The following DAB1 variants were observed in gnomAD, a reference collection of about 807,000 sequenced individuals.
DAB1 encodes the protein DAB adaptor protein 1, also known as disabled homolog 1.
DAB1 carries 15 observed loss-of-function variants against 64.6 expected under a neutral mutation model. The ratio of observed to expected loss-of-function variants is 0.23; its 90% CI spans 0.16 to 0.36. The LOEUF is 0.36. Among genes scored for constraint, DAB1 ranks in the 10% least tolerant of loss-of-function variants. DAB1 has a pLI of 1.00. For missense variants in DAB1, 596 were observed against 706.7 expected, an observed-to-expected ratio of 0.84 and a Z score of 1.78; for synonymous variants, 235 against 251.9, an observed-to-expected ratio of 0.93 and a Z score of 0.64.
At chr1:57,391,977 A>G (rs1411251407) in intron 1 of DAB1, among the ~76,000 whole-genome samples, 1 of 152,128 alleles carries the variant, frequency 6.6e-6, no homozygotes, top group African/African-American at 2.4e-5. Context: ...AGGCTCCACA[A>G]TGTCTTAGTG....
At chr1:58,327,992 C>A (rs541356159) in intron 4 of DAB1, among the ~76,000 whole-genome samples, 2 of 152,192 alleles carry the variant, frequency 1.3e-5, no homozygotes, top group East Asian at 1.9e-4. Flanking sequence ...ATTCCATAGG[C>A]CTGTCCCCTG....
intron 5 of DAB1, among the ~76,000 whole-genome samples, chr1:58,119,299 T>A (rs958531717): frequency 3.3e-5 from 5 of 152,110 alleles, no homozygotes; most frequent in Non-Finnish European, 7.4e-5. Flanking sequence ...TGGCCTGAAC[T>A]AATTTGGTGG....
At chr1:57,808,785 T>G (rs976378905) in intron 6 of DAB1, among the ~76,000 whole-genome samples, 1 of 152,206 alleles carries the variant, frequency 6.6e-6, no homozygotes. Context: ...TCTACTCCAA[T>G]TATTTAGGGA....
intron 2 of DAB1, among the ~76,000 whole-genome samples, chr1:57,273,596 TTCC>T (rs1671210191): frequency 8.6e-6 from 1 of 116,774 alleles, no homozygotes; most frequent in African/African-American, 3.7e-5. Flanking sequence ...CCTTCCTTCC[TTCC>T]TTCCTTCCTT....
intron 2 of DAB1, among the ~76,000 whole-genome samples, chr1:58,521,328 G>GA (rs35389880): frequency 0.43 from 63,294 of 146,070 alleles, 15,430 homozygotes; most frequent in East Asian, 0.66. Flanking sequence ...GTATGTACTA[G>GA]AAAAAAAAAA....
chr1:58,483,100 A>G lies in DAB1; in HGVS notation n.257+22960T>C, dbSNP rs117621793. On this transcript the variant is annotated intron_variant and non_coding_transcript_variant, in intron 3 of 20. Coordinates refer to the DAB1 transcript ENST00000485760. ...TCCAGGTACAAAACTAGAATTCTTG[A>G]ATTTCAGAACATGTAAGATTGCAGG... Among the ~76,000 whole-genome samples, 14 of 152,306 alleles carry G rather than the reference A, an allele frequency of 9.2e-5. No individual in the cohort carries two copies. In the East Asian group the frequency reaches 1.7e-3, roughly 19 times the overall value.
rs1291175724 is a variant in DAB1 at position 57,102,484 on chromosome 1, A to G, written c.307-30070T>C. On this transcript the variant is annotated intron_variant, in intron 4 of 14. Coordinates refer to ENST00000371236, the MANE Select transcript of DAB1 (RefSeq NM_001365792.1). The stretch of plus-strand genomic sequence containing the variant: ...TAAATAGTGTTTGGAATTGACTGAC[A>G]TGATACTAAATTTGCACTTGCATGC... Among the ~76,000 whole-genome samples the G allele has an allele frequency of 5.9e-5, 9 of 152,238 alleles. No individual in the cohort carries two copies. The East Asian group carries it at 1.5e-3, about 26-fold the overall frequency.
chr1:58,241,224 T>C (rs1660280656), intron 4 of DAB1, among the ~76,000 whole-genome samples: 1 of 152,220 alleles, frequency 6.6e-6, no homozygotes, highest in South Asian at 2.1e-4. Context: ...TTCAGAACAT[T>C]AGTCATCTTG....
upstream of DAB1, among the ~76,000 whole-genome samples, chr1:57,887,633 A>G (rs1644243879): frequency 6.6e-6 from 1 of 152,234 alleles, no homozygotes. Context: ...GCAAAATGAT[A>G]GAATCACCAG....
chr1:57,063,737 T>A (rs1179971148), intron 8 of DAB1, among the ~76,000 whole-genome samples: 1 of 152,216 alleles, frequency 6.6e-6, no homozygotes, highest in Non-Finnish European at 1.5e-5. Flanking sequence ...TGTAATGTGT[T>A]AGAAGAATTA....
chr1:57,238,455 C>T (rs557033850), intron 2 of DAB1, among the ~76,000 whole-genome samples: 28 of 152,338 alleles, frequency 1.8e-4, no homozygotes, highest in Admixed American at 3.9e-4. Context: ...TTAGATGCTG[C>T]TATCTGTCCG....
At chr1:57,617,790 C>T (rs1326404145) in intron 7 of DAB1, among the ~76,000 whole-genome samples, 1 of 152,188 alleles carries the variant, frequency 6.6e-6, no homozygotes, top group African/African-American at 2.4e-5. Flanking sequence ...CAAGACTCAC[C>T]TGTGCTTGTT....
chr1:57,848,922 C>T (rs1188920654), intron 1 of DAB1, among the ~76,000 whole-genome samples: 2 of 152,130 alleles, frequency 1.3e-5, no homozygotes, highest in Non-Finnish European at 1.5e-5. Flanking sequence ...ATGTAATCCT[C>T]ACATCTGAAA....
chr1:57,481,552 G>A (rs1345069260), intron 7 of DAB1, among the ~76,000 whole-genome samples: 2 of 151,972 alleles, frequency 1.3e-5, no homozygotes, highest in African/African-American at 4.8e-5. Flanking sequence ...ATACTTACCT[G>A]ATGCCTGTAA....
chr1:57,039,653 A>G (rs577868731), intron 9 of DAB1, among the ~76,000 whole-genome samples: 2 of 152,162 alleles, frequency 1.3e-5, no homozygotes, highest in South Asian at 4.2e-4. Context: ...CTTCCTATCC[A>G]TCCCTTATAC....
chr1:57,135,922 C>T (rs1485147791), intron 4 of DAB1, among the ~76,000 whole-genome samples: 1 of 152,042 alleles, frequency 6.6e-6, no homozygotes, highest in African/African-American at 2.4e-5. Flanking sequence ...TTCTATTTTC[C>T]TCTTACCCCA....
chr1:58,115,374 T>G (rs943507480), intron 5 of DAB1, among the ~76,000 whole-genome samples: 2 of 51,338 alleles, frequency 3.9e-5, no homozygotes, highest in African/African-American at 1.2e-4. Context: ...ATAGGAACAC[T>G]TTTACACCGT....
intron 1 of DAB1, chr1:57,876,706 T>G (rs1210909480): frequency 1.3e-5 from 2 of 152,098 alleles, no homozygotes; most frequent in African/African-American, 4.8e-5. Context: ...AACATTTAGT[T>G]TAGGATTTTT....
At chr1:57,932,541 G>C (rs1466742297) in intron 5 of DAB1, among the ~76,000 whole-genome samples, 1 of 151,370 alleles carries the variant, frequency 6.6e-6, no homozygotes, top group African/African-American at 2.4e-5. Flanking sequence ...GGTATTAAAG[G>C]CTCCAATTAC....
Sources: allele counts gnomAD v4.1 joint callset (sites outside exome capture counted in the v4.1 genomes callset), GRCh38; gene constraint gnomAD v4.1.1; transcripts MANE v1.5; gene names NCBI Gene and HGNC (gene_info 2026-07-23, HGNC 2026-07-21).